PCDHGA4: variants seen among roughly 807,000 people sequenced by gnomAD.
The protein encoded by PCDHGA4 is protocadherin gamma-A4.
PCDHGA4 carries 38 observed loss-of-function variants against 54.6 expected under a neutral mutation model. The observed-to-expected ratio is 0.70, with a 90% CI of 0.54 to 0.91. The LOEUF (loss-of-function observed/expected upper bound fraction) is 0.91. Among genes scored for constraint, PCDHGA4 ranks in the 40% least tolerant of loss-of-function variants. PCDHGA4 has a pLI of 0.00. For synonymous variants in PCDHGA4, 511 were observed against 512.9 expected, an observed-to-expected ratio of 1.00 and a Z score of 0.05; for missense variants, 1,298 against 1,220.9, an observed-to-expected ratio of 1.06 and a Z score of -0.94.
At chr5:141,467,920 A>G (rs1244280087) in intron 1 of PCDHGA4, among the ~76,000 whole-genome samples, 1 of 152,124 alleles carries the variant, frequency 6.6e-6, no homozygotes, top group Non-Finnish European at 1.5e-5. Flanking sequence ...CAGCCTCCCA[A>G]AATGCTAGGA....
At chr5:141,388,887 G>T (rs1445900617) in intron 1 of PCDHGA4, 1 of 1,613,988 alleles carries the variant, frequency 6.2e-7, no homozygotes, top group South Asian at 1.1e-5. Context: ...GGAGGTAGAA[G>T]TCATAGATGA....
chr5:141,423,154 C>A, intron 1 of PCDHGA4: 1 of 1,613,466 alleles, frequency 6.2e-7, no homozygotes, highest in South Asian at 1.1e-5. Flanking sequence ...CAAGCAGAGC[C>A]TCGTGGTGGC....
chr5:141,373,916 A>C (rs1769959777), intron 1 of PCDHGA4: 2 of 648,756 alleles, frequency 3.1e-6, no homozygotes, highest in African/African-American at 3.7e-5. Flanking sequence ...ACAACAAAGC[A>C]AATTAGACGG....
Position 141,423,176 on chromosome 5 carries a change from A to C in PCDHGA4, c.2514+65555A>C, listed in dbSNP as rs781125798. Reference sequence around the variant, plus strand: ...AGCCTCGTGGTGGCCGTCCAGGACCACGGCCAGCCCCCTCTCTCGGCCACC... The same window carrying C: ...AGCCTCGTGGTGGCCGTCCAGGACCCCGGCCAGCCCCCTCTCTCGGCCACC... On this transcript the variant is annotated intron_variant, in intron 1 of 3. Transcript: ENST00000571252. 1.7e-5 allele frequency: 28 copies of C among 1,613,356 alleles called. No homozygotes were observed. In the African/African-American group the frequency reaches 3.6e-4, roughly 21 times the overall value.
rs2097372368 is a variant in PCDHGA4 at position 141,431,422 on chromosome 5, G to A, written c.2515-63385G>A. On this transcript the variant is annotated intron_variant, in intron 1 of 3. Coordinates refer to ENST00000571252, the MANE Select transcript of PCDHGA4 (RefSeq NM_018917.4). This position sits in a 1 kb window ranked among gnomAD's most constrained non-coding sequence, Gnocchi z 4.8. ...CGGCCTCCGACGGGGGCGACCCGGTGCGCACAGGCACCGCGCGCATCCGCG... is the reference window on the plus strand; with the variant it reads ...CGGCCTCCGACGGGGGCGACCCGGTACGCACAGGCACCGCGCGCATCCGCG... 6.2e-7 allele frequency: 1 copy of A among 1,613,710 alleles called. No individual in the cohort carries two copies. The highest frequency in any genetic ancestry group is 2.2e-5 in the East Asian group (1 of 44,882).
In PCDHGA4 at chr5:141,383,687, C is replaced by T; in HGVS notation, c.2514+26066C>T. 1.2e-6 allele frequency: 2 copies of T among 1,613,968 alleles called. No homozygotes were observed. Among genetic ancestry groups the T allele is most frequent in the Middle Eastern group, 1.6e-4 (1 of 6,062 alleles). Reference sequence around the variant, plus strand: ...GTGCCAGTGGGTACAAGACTGCTCACGGTACATGCTATCGACCTGGACGAG... The same window carrying T: ...GTGCCAGTGGGTACAAGACTGCTCATGGTACATGCTATCGACCTGGACGAG... On this transcript the variant is annotated intron_variant, in intron 1 of 3. Coordinates refer to ENST00000571252, the MANE Select transcript of PCDHGA4 (RefSeq NM_018917.4).
At position 141,421,672 on chromosome 5, in the gene PCDHGA4, C is replaced by T; in HGVS notation, c.2514+64051C>T. On this transcript the variant is annotated intron_variant, in intron 1 of 3. Coordinates refer to ENST00000571252, the MANE Select transcript of PCDHGA4 (RefSeq NM_018917.4). Reference sequence around the variant, plus strand: ...GATAAAAGTCAGTGAGCACGCAATTCCTGGGGCGCGATTTGCTCTTCCTAA... The same window carrying T: ...GATAAAAGTCAGTGAGCACGCAATTTCTGGGGCGCGATTTGCTCTTCCTAA... 4 of 1,613,862 alleles carry T rather than the reference C, an allele frequency of 2.5e-6. No individual in the cohort carries two copies. The highest frequency in any genetic ancestry group is 1.6e-4 in the Middle Eastern group (1 of 6,062).
chr5:141,491,966 G>A lies in PCDHGA4; in HGVS notation c.2515-2841G>A. 1.1e-6 allele frequency: 1 copy of A among 943,066 alleles called. No individual in the cohort carries two copies. Among genetic ancestry groups the A allele is most frequent in the Non-Finnish European group, 1.5e-6 (1 of 669,210 alleles). The allele number at this position is 943,066 out of a possible 1,614,324, so 58.4% of individuals were successfully genotyped here. On this transcript the variant is annotated intron_variant, in intron 1 of 3. Coordinates refer to ENST00000571252, the MANE Select transcript of PCDHGA4 (RefSeq NM_018917.4). The surrounding 1 kb of genome is among the most constrained non-coding windows in gnomAD (Gnocchi z 6.9). ...CCACCCCTACACTCAAAAAAGGCCG[G>A]GGCCTCCTTCGAGCTTCCGGTGAAT...
intron 1 of PCDHGA4, chr5:141,423,450 T>G (rs571358720): frequency 1.2e-6 from 2 of 1,614,050 alleles, no homozygotes; most frequent in East Asian, 4.5e-5. Flanking sequence ...CGTCACATTT[T>G]GTAGGCGTGG....
At chr5:141,375,076 G>C in intron 1 of PCDHGA4, 1 of 1,614,010 alleles carries the variant, frequency 6.2e-7, no homozygotes, top group Non-Finnish European at 8.5e-7. Context: ...GAGACAGAGC[G>C]AAAGTCTTAA....
chr5:141,422,563 G>A, intron 1 of PCDHGA4: 3 of 1,613,986 alleles, frequency 1.9e-6, no homozygotes, highest in African/African-American at 1.3e-5. Flanking sequence ...TGTGGCAGAT[G>A]ACAACGATAA....
chr5:141,370,805 C>A, intron 1 of PCDHGA4: 2 of 1,614,026 alleles, frequency 1.2e-6, no homozygotes, highest in Non-Finnish European at 1.7e-6. Context: ...GCCAAAATAT[C>A]ACTGAGCTGG....
chr5:141,357,757 G>C (rs932647509), intron 1 of PCDHGA4, 136 bp downstream of exon 1: 1 of 1,061,794 alleles, frequency 9.4e-7, no homozygotes, highest in African/African-American at 1.6e-5. Flanking sequence ...AAAACTGGTG[G>C]ATGACCTTCC....
At chr5:141,482,673 G>A (rs1278135239) in intron 1 of PCDHGA4, among the ~76,000 whole-genome samples, 1 of 152,156 alleles carries the variant, frequency 6.6e-6, no homozygotes, top group Non-Finnish European at 1.5e-5. Context: ...TAAAGGTTGA[G>A]TAGTAGCTTG....
At chr5:141,405,130 G>A in intron 1 of PCDHGA4, 1 of 1,614,012 alleles carries the variant, frequency 6.2e-7, no homozygotes, top group South Asian at 1.1e-5. Flanking sequence ...ATCTGCTGCG[G>A]GCTACCAGTG....
rs150897033 is a variant in PCDHGA4, at chr5:141,453,434, G to C, written c.2515-41373G>C. Among the ~76,000 whole-genome samples the C allele has an allele frequency of 3.9e-3, 592 of 151,994 alleles. 6 individuals are homozygous for C. The highest frequency in any genetic ancestry group is 0.011 in the Admixed American group (171 of 15,256). On this transcript the variant is annotated intron_variant, in intron 1 of 3. Coordinates refer to ENST00000571252, the MANE Select transcript of PCDHGA4 (RefSeq NM_018917.4). Reference sequence around the variant, plus strand: ...GGCATAAGCCACCACACCTAGCCTAGTATTCTTTTTTGAATATGTAAAACA... The same window carrying C: ...GGCATAAGCCACCACACCTAGCCTACTATTCTTTTTTGAATATGTAAAACA...
intron 3 of PCDHGA4, among the ~76,000 whole-genome samples, chr5:141,510,556 T>TA (rs2099881668): frequency 6.6e-6 from 1 of 152,178 alleles, no homozygotes; most frequent in African/African-American, 2.4e-5. Flanking sequence ...TTTGAGCACT[T>TA]ACATCTACCA....
intron 1 of PCDHGA4, among the ~76,000 whole-genome samples, chr5:141,460,285 T>C (rs1283830175): frequency 1.3e-5 from 2 of 152,154 alleles, no homozygotes; most frequent in Admixed American, 6.5e-5. Context: ...ATAGTTTGTA[T>C]TTCTTATGTC....
intron 1 of PCDHGA4, chr5:141,413,154 A>G: frequency 6.3e-7 from 1 of 1,576,026 alleles, no homozygotes; most frequent in Middle Eastern, 1.7e-4. Context: ...AGGACTTTGC[A>G]GAATTCTGTA....
Sources: allele counts gnomAD v4.1 joint callset (sites outside exome capture counted in the v4.1 genomes callset), GRCh38; gene constraint gnomAD v4.1.1; non-coding constraint Gnocchi (gnomAD v3.1); transcripts MANE v1.5; gene names NCBI Gene and HGNC (gene_info 2026-07-23, HGNC 2026-07-21).